Variants in SDK1 observed in about 807,000 individuals in gnomAD.
SDK1 encodes protein sidekick-1.
SDK1 carries 157 observed loss-of-function variants against 245.5 expected under a neutral mutation model. That is an observed-to-expected ratio of 0.64 (90% confidence interval 0.56 to 0.73). The LOEUF is 0.73. SDK1 is among the 30% of genes least tolerant of loss of function. SDK1 has a pLI of 0.00. For synonymous variants in SDK1, 1,647 were observed against 1,278.5 expected, an observed-to-expected ratio of 1.29 and a Z score of -6.15; for missense variants, 3,583 against 3,002.3, an observed-to-expected ratio of 1.19 and a Z score of -4.52.
chr7:3,746,893 A>G (rs1014656057), intron 4 of SDK1, among the ~76,000 whole-genome samples: 1 of 152,194 alleles, frequency 6.6e-6, no homozygotes, highest in Non-Finnish European at 1.5e-5. Context: ...AATGTTCTTG[A>G]TGGCATCTAG....
chr7:3,311,522 A>C (rs768951279), intron 1 of SDK1, among the ~76,000 whole-genome samples: 1 of 152,212 alleles, frequency 6.6e-6, no homozygotes, highest in Middle Eastern at 3.2e-3. Context: ...ATGCATAGTG[A>C]CAAAAATGAT....
chr7:3,686,777 G>C (rs879258281), intron 4 of SDK1, among the ~76,000 whole-genome samples: 1 of 152,112 alleles, frequency 6.6e-6, no homozygotes, highest in Non-Finnish European at 1.5e-5. Context: ...CAGGGGACGA[G>C]GTCAGCTTAT....
intron 4 of SDK1, among the ~76,000 whole-genome samples, chr7:3,689,170 A>G (rs562314077): frequency 8.9e-4 from 135 of 152,260 alleles, no homozygotes; most frequent in African/African-American, 3.0e-3. Context: ...GGCCCTTTAC[A>G]GAAAATGCTT....
intron 4 of SDK1, among the ~76,000 whole-genome samples, chr7:3,729,296 A>G (rs1201232273): frequency 1.3e-5 from 2 of 152,220 alleles, no homozygotes; most frequent in Non-Finnish European, 2.9e-5. Context: ...CATTCTGGCT[A>G]ATATATAATT....
In SDK1 at chr7:3,856,529, G is replaced by A. The variant is rs149731869; in HGVS notation, c.847+34946G>A. 6.7e-3 allele frequency among the ~76,000 whole-genome samples: 982 copies of A among 145,916 alleles called. 10 individuals carry two copies. The highest frequency in any genetic ancestry group is 0.023 in the African/African-American group (916 of 39,308). On this transcript the variant is annotated intron_variant, in intron 5 of 44. Coordinates refer to ENST00000404826, the MANE Select transcript of SDK1 (RefSeq NM_152744.4). ...CAGCTGGCCGGGCATGGTGGCTCACGCTTGCAATCCCAGTACTTTGGGAGG... is the reference window on the plus strand; with the variant it reads ...CAGCTGGCCGGGCATGGTGGCTCACACTTGCAATCCCAGTACTTTGGGAGG...
At chr7:3,717,265 A>T (rs1785231594) in intron 4 of SDK1, among the ~76,000 whole-genome samples, 1 of 152,238 alleles carries the variant, frequency 6.6e-6, no homozygotes, top group Non-Finnish European at 1.5e-5. Context: ...AAATAAAGGA[A>T]TCAAACTAGA....
chr7:4,250,769 C>A (rs927759792), intron 44 of SDK1, among the ~76,000 whole-genome samples: 1 of 152,200 alleles, frequency 6.6e-6, no homozygotes, highest in African/African-American at 2.4e-5. Flanking sequence ...TAGTCAGAAT[C>A]TTCTTTTTAA....
At chr7:3,977,566 C>G (rs935670158) in intron 13 of SDK1, among the ~76,000 whole-genome samples, 4 of 152,266 alleles carry the variant, frequency 2.6e-5, no homozygotes, top group African/African-American at 9.6e-5. Flanking sequence ...CGGTTGGGTG[C>G]TGTCATCCGT....
chr7:3,983,841 A>G (rs529215692), intron 13 of SDK1, among the ~76,000 whole-genome samples: 60 of 152,288 alleles, frequency 3.9e-4, no homozygotes, highest in Non-Finnish European at 3.4e-4. Context: ...GCCCTGGGCC[A>G]TCACACTGAG....
intron 4 of SDK1, among the ~76,000 whole-genome samples, chr7:3,816,179 A>G (rs1231395346): frequency 5.3e-5 from 8 of 150,490 alleles, no homozygotes; most frequent in African/African-American, 2.0e-4. Context: ...CATCACAATT[A>G]AAAGAACTAG....
At chr7:3,406,403 C>G (rs942998784) in intron 1 of SDK1, among the ~76,000 whole-genome samples, 2 of 152,158 alleles carry the variant, frequency 1.3e-5, no homozygotes, top group Non-Finnish European at 2.9e-5. Context: ...CTCGTTGTGT[C>G]TGAGGGATCC....
intron 32 of SDK1, 45 bp downstream of exon 32, chr7:4,161,901 A>C: frequency 6.7e-5 from 104 of 1,542,380 alleles, no homozygotes; most frequent in Non-Finnish European, 8.3e-5. Context: ...ATGTGTTCTC[A>C]TTTCCCTGCG....
chr7:4,171,697 G>GA (rs1381158737), intron 32 of SDK1, among the ~76,000 whole-genome samples: 1 of 152,134 alleles, frequency 6.6e-6, no homozygotes, highest in East Asian at 1.9e-4. Context: ...AAAGCCAGCA[G>GA]AAAAAAAGTC....
intron 4 of SDK1, among the ~76,000 whole-genome samples, chr7:3,756,709 G>A (rs907431161): frequency 9.9e-5 from 15 of 152,030 alleles, no homozygotes; most frequent in African/African-American, 2.4e-4. Context: ...TACTCTTTCT[G>A]TACTGTCTAC....
intron 42 of SDK1, among the ~76,000 whole-genome samples, chr7:4,239,990 T>A (rs113479251): frequency 1.3e-5 from 2 of 152,250 alleles, no homozygotes; most frequent in Non-Finnish European, 1.5e-5. Context: ...GCCTCCTTAT[T>A]TGCTTCTATA....
At chr7:3,964,792 T>C (rs10277126) in intron 9 of SDK1, among the ~76,000 whole-genome samples, 5,320 of 152,264 alleles carry the variant, frequency 0.035, 330 homozygotes, top group African/African-American at 0.12. Context: ...CCAAGGGCTC[T>C]TCCCACCCAC....
In SDK1 at chr7:3,441,410, A is replaced by C. The variant is rs117405697; in HGVS notation, c.298+139526A>C. On this transcript the variant is annotated intron_variant, in intron 1 of 44. Transcript: ENST00000404826. Reference sequence around the variant, plus strand: ...AAAAACAAAAAACAAACAAAAAAAAACCAAAATCTCTTTTTGTGTGTGTAC... The same window carrying C: ...AAAAACAAAAAACAAACAAAAAAAACCCAAAATCTCTTTTTGTGTGTGTAC... 3.1e-3 allele frequency among the ~76,000 whole-genome samples: 466 copies of C among 152,262 alleles called. 5 individuals are homozygous for C. Among genetic ancestry groups the C allele is most frequent in the East Asian group, 0.028 (143 of 5,180 alleles).
chr7:3,331,246 A>C (rs1366625542), intron 1 of SDK1, among the ~76,000 whole-genome samples: 1 of 152,274 alleles, frequency 6.6e-6, no homozygotes. Flanking sequence ...TCTGGCAACA[A>C]AGCGAGACTC....
At chr7:3,458,701 T>G (rs1328925162) in intron 1 of SDK1, among the ~76,000 whole-genome samples, 2 of 152,156 alleles carry the variant, frequency 1.3e-5, no homozygotes, top group African/African-American at 4.8e-5. Context: ...TGATGCAGCA[T>G]CATTATAATT....
Sources: allele counts gnomAD v4.1 joint callset (sites outside exome capture counted in the v4.1 genomes callset), GRCh38; gene constraint gnomAD v4.1.1; transcripts MANE v1.5; gene names NCBI Gene and HGNC (gene_info 2026-07-23, HGNC 2026-07-21).